ZFHX3: variants seen among roughly 807,000 people sequenced by gnomAD.
ZFHX3 encodes zinc finger homeobox 3.
ZFHX3 carries 42 observed loss-of-function variants against 279.1 expected under a neutral mutation model. The observed-to-expected ratio is 0.15, with a 90% CI of 0.12 to 0.19. The LOEUF is 0.19. ZFHX3 is among the 10% of genes least tolerant of loss of function. The pLI is 1.00. For missense variants in ZFHX3, 4,981 were observed against 4,754.0 expected (o/e 1.05, Z -1.40); for synonymous variants, 2,293 against 1,957.8 (o/e 1.17, Z -4.52).
chr16:73,245,786 G>A (rs1218293926), intron 5 of ZFHX3, among the ~76,000 whole-genome samples: 1 of 152,120 alleles, frequency 6.6e-6, no homozygotes, highest in Non-Finnish European at 1.5e-5. Flanking sequence ...GGGTAGCTGG[G>A]CCACACCTCA....
chr16:73,358,199 C>T (rs563005984), intron 3 of ZFHX3, among the ~76,000 whole-genome samples: 1 of 152,368 alleles, frequency 6.6e-6, no homozygotes, highest in Admixed American at 6.5e-5. Flanking sequence ...ACCGTCCACT[C>T]CCTGGCATCT....
intron 2 of ZFHX3, among the ~76,000 whole-genome samples, chr16:73,589,129 G>T (rs2051961451): frequency 1.3e-5 from 2 of 151,246 alleles, no homozygotes; most frequent in African/African-American, 2.4e-5. Flanking sequence ...GTGTGGTGAT[G>T]CACGCCTGTA....
At chr16:72,891,465 C>T (rs1430847728) in intron 3 of ZFHX3, among the ~76,000 whole-genome samples, 1 of 152,180 alleles carries the variant, frequency 6.6e-6, no homozygotes, top group African/African-American at 2.4e-5. Context: ...GTAATGATAG[C>T]TATGGACCCT....
Position 73,574,642 on chromosome 16 carries a change from T to G in ZFHX3, c.-1547+105538A>C, listed in dbSNP as rs952822739. The stretch of plus-strand genomic sequence containing the variant: ...GGTGAAGGGATTCCTAACACAGGGG[T>G]TTTTCCTCCTGTCATCCCTCTGCAT... On this transcript the variant is annotated intron_variant, in intron 2 of 17. Transcript: ENST00000641206. Among the ~76,000 whole-genome samples, 5 of 151,608 alleles carry G rather than the reference T, an allele frequency of 3.3e-5. No homozygotes were observed. In the East Asian group the frequency reaches 7.7e-4, roughly 23 times the overall value.
At chr16:73,368,629 G>T (rs1406163425) in intron 3 of ZFHX3, among the ~76,000 whole-genome samples, 2 of 152,156 alleles carry the variant, frequency 1.3e-5, no homozygotes, top group African/African-American at 4.8e-5. Flanking sequence ...ATGGCTAATT[G>T]CACCTTGACT....
chr16:73,536,638 C>T (rs181075527), intron 2 of ZFHX3, among the ~76,000 whole-genome samples: 6 of 152,306 alleles, frequency 3.9e-5, no homozygotes, highest in Admixed American at 1.3e-4. Context: ...AGCAATGTTG[C>T]TGTGTGTGCC....
chr16:72,958,855 A>T lies in ZFHX3; in HGVS notation c.1291T>A (p.Ser431Thr). 1 of 1,613,482 alleles carries T rather than the reference A, an allele frequency of 6.2e-7. No individual in the cohort carries two copies. The highest frequency in any genetic ancestry group is 1.3e-5 in the African/African-American group (1 of 74,954). The change falls in exon 2 of 10, where the codon TCA becomes ACA. Residue 431 changes from serine to threonine, a missense_variant. This residue lies in a region of ZFHX3 where 1,068 missense variants were observed against 935.2 expected (regional missense o/e 1.14). Coordinates refer to ENST00000268489, the MANE Select transcript of ZFHX3 (RefSeq NM_006885.4). ...GPLASSPTKSSEGKDSGAAEG... is the reference protein window; with the variant it reads ...GPLASSPTKSTEGKDSGAAEG... ...GCCGCCCCAGAGTCCTTGCCCTCTGAGGATTTGGTAGGACTGGAAGCCAGA... is the reference window on the plus strand; with the variant it reads ...GCCGCCCCAGAGTCCTTGCCCTCTGTGGATTTGGTAGGACTGGAAGCCAGA...
At chr16:73,265,403 A>T (rs1021255339) in intron 4 of ZFHX3, among the ~76,000 whole-genome samples, 1 of 152,126 alleles carries the variant, frequency 6.6e-6, no homozygotes, top group African/African-American at 2.4e-5. Flanking sequence ...GCTAGTTTCT[A>T]TGCTGCCTAA....
intron 2 of ZFHX3, among the ~76,000 whole-genome samples, chr16:73,469,631 T>A (rs893354164): frequency 4.6e-5 from 7 of 151,436 alleles, no homozygotes; most frequent in African/African-American, 1.2e-4. Flanking sequence ...ATATATATTT[T>A]TTTTGAGACA....
intron 3 of ZFHX3, among the ~76,000 whole-genome samples, chr16:73,338,195 C>T (rs78843734): frequency 2.6e-5 from 4 of 152,138 alleles, no homozygotes; most frequent in African/African-American, 4.8e-5. Flanking sequence ...ACAAGTGTCA[C>T]GTGGACCCTC....
At chr16:73,185,618 T>G (rs1158186622) in intron 5 of ZFHX3, among the ~76,000 whole-genome samples, 1 of 152,156 alleles carries the variant, frequency 6.6e-6, no homozygotes. Context: ...CACATAAAAA[T>G]GCAAAACTGA....
intron 1 of ZFHX3, among the ~76,000 whole-genome samples, chr16:72,992,788 G>T (rs143701935): frequency 6.6e-6 from 1 of 152,230 alleles, no homozygotes; most frequent in Non-Finnish European, 1.5e-5. Context: ...CCGTGCACAC[G>T]AAACTCATTC....
At chr16:73,379,270 A>G (rs2143363319) in intron 3 of ZFHX3, among the ~76,000 whole-genome samples, 1 of 152,304 alleles carries the variant, frequency 6.6e-6, no homozygotes, top group South Asian at 2.1e-4. Flanking sequence ...GTAAGCAGCC[A>G]TTATTGGGTC....
At chr16:73,829,511 C>T (rs373109967) in intron 1 of ZFHX3, among the ~76,000 whole-genome samples, 46 of 38,124 alleles carry the variant, frequency 1.2e-3, no homozygotes, top group East Asian at 8.0e-3. Flanking sequence ...TTTTTCTGTT[C>T]TGTTTTTTCC....
intron 1 of ZFHX3, among the ~76,000 whole-genome samples, chr16:73,682,615 G>A (rs1044988231): frequency 3.3e-5 from 5 of 151,708 alleles, no homozygotes; most frequent in Admixed American, 1.3e-4. Flanking sequence ...GTGAAACCCC[G>A]TCTCTACTAA....
At chr16:73,435,821 A>G (rs2017987321) in intron 3 of ZFHX3, among the ~76,000 whole-genome samples, 3 of 152,046 alleles carry the variant, frequency 2.0e-5, no homozygotes, top group African/African-American at 7.2e-5. Flanking sequence ...GGAATCTGCT[A>G]TTTGGGGTCA....
chr16:73,110,688 C>T (rs1055580468), intron 7 of ZFHX3, among the ~76,000 whole-genome samples: 29 of 152,016 alleles, frequency 1.9e-4, no homozygotes, highest in Non-Finnish European at 4.0e-4. Context: ...CCCTGCCTCC[C>T]GAGTAGCTGG....
chr16:73,085,959 T>C (rs1275053006), intron 8 of ZFHX3, among the ~76,000 whole-genome samples: 2 of 60,042 alleles, frequency 3.3e-5, no homozygotes, highest in African/African-American at 1.4e-4. Context: ...AACCAGAATA[T>C]ATAAGGAACT....
intron 5 of ZFHX3, among the ~76,000 whole-genome samples, chr16:72,827,768 T>A (rs2036969466): frequency 6.6e-6 from 1 of 152,146 alleles, no homozygotes; most frequent in African/African-American, 2.4e-5. Flanking sequence ...GCCTAGGGTG[T>A]TTGACCCTCA....
Sources: gnomAD v4.1 joint callset for allele counts (sites outside exome capture counted in the v4.1 genomes callset) on GRCh38, gnomAD v4.1.1 for gene constraint, gnomAD v4.1.1 regional missense constraint, MANE v1.5 for transcripts, NCBI Gene and HGNC (gene_info 2026-07-23, HGNC 2026-07-21) for gene names.